Variants in PPARGC1A observed in about 807,000 individuals in gnomAD.
The protein encoded by PPARGC1A is peroxisome proliferator-activated receptor gamma coactivator 1-alpha.
PPARGC1A carries 25 observed loss-of-function variants against 88.7 expected under a neutral mutation model. The ratio of observed to expected loss-of-function variants is 0.28; its 90% CI spans 0.21 to 0.39. The LOEUF is 0.39. Ranked by LOEUF, PPARGC1A falls within the 10% of genes least tolerant of loss-of-function variation. PPARGC1A has a pLI of 1.00. For missense variants in PPARGC1A, 880 were observed against 968.7 expected (o/e 0.91, Z 1.22); for synonymous variants, 363 against 355.6 (o/e 1.02, Z -0.24).
the PPARGC1A span, among the ~76,000 whole-genome samples, chr4:24,312,335 A>G: frequency 6.6e-6 from 1 of 152,046 alleles, no homozygotes. Flanking sequence ...ATCCTGGACT[A>G]TAATCCTCAT....
chr4:24,054,875 T>C, the PPARGC1A span, among the ~76,000 whole-genome samples: 1 of 152,168 alleles, frequency 6.6e-6, no homozygotes, highest in African/African-American at 2.4e-5. Context: ...GTAGTAACTG[T>C]AGAAATAATA....
At chr4:24,399,653 T>C in the PPARGC1A span, among the ~76,000 whole-genome samples, 7 of 152,164 alleles carry the variant, frequency 4.6e-5, no homozygotes, top group Non-Finnish European at 8.8e-5. Context: ...TTTTATTAAA[T>C]ATTTATATTA....
the PPARGC1A span, among the ~76,000 whole-genome samples, chr4:24,409,223 T>G: frequency 6.6e-6 from 1 of 152,234 alleles, no homozygotes; most frequent in Admixed American, 6.5e-5. Flanking sequence ...GTGTATGTGG[T>G]AGGCATCACA....
the PPARGC1A span, among the ~76,000 whole-genome samples, chr4:24,213,546 G>C: frequency 4.0e-4 from 61 of 152,162 alleles, no homozygotes; most frequent in Non-Finnish European, 6.8e-4. Context: ...GACAACTCCT[G>C]ATGTATAGCT....
chr4:23,864,922 G>T (rs1484401136), intron 2 of PPARGC1A, among the ~76,000 whole-genome samples: 2 of 152,078 alleles, frequency 1.3e-5, no homozygotes, highest in Non-Finnish European at 1.5e-5. Context: ...GGTTGCTCAC[G>T]CCTGTAACCC....
At chr4:24,113,243 G>A in the PPARGC1A span, among the ~76,000 whole-genome samples, 6 of 152,020 alleles carry the variant, frequency 3.9e-5, no homozygotes, top group Non-Finnish European at 5.9e-5. Flanking sequence ...TGCTTCACAC[G>A]TTCAGTAGGT....
the PPARGC1A span, among the ~76,000 whole-genome samples, chr4:24,186,591 C>G: frequency 6.6e-6 from 1 of 152,096 alleles, no homozygotes; most frequent in Admixed American, 6.6e-5. Context: ...TAAAACAGTG[C>G]CTGTCAGGTG....
intron 2 of PPARGC1A, 110 bp from the exon 3 acceptor site, chr4:23,831,861 C>G: frequency 1.2e-6 from 1 of 841,978 alleles, no homozygotes; most frequent in Non-Finnish European, 1.9e-6. Flanking sequence ...ATCTAGAATG[C>G]CCATTCCAGA....
chr4:24,468,592 AT>A, the PPARGC1A span, among the ~76,000 whole-genome samples: 1 of 152,210 alleles, frequency 6.6e-6, no homozygotes, highest in East Asian at 1.9e-4. Context: ...CTCCAAAAAA[AT>A]CACCCCTCCC....
rs886129216 is a variant in PPARGC1A at position 23,853,486 on chromosome 4, T to G, written c.235-21735A>C. ...GAGGTACTCAAATGTCCTAGATGTGTACAAGAGGAATCTCAAATTTGGAGA... is the reference window on the plus strand; with the variant it reads ...GAGGTACTCAAATGTCCTAGATGTGGACAAGAGGAATCTCAAATTTGGAGA... On this transcript the variant is annotated intron_variant, in intron 2 of 12. Transcript: ENST00000264867. Among the ~76,000 whole-genome samples, 3 of 152,142 alleles carry G rather than the reference T, an allele frequency of 2.0e-5. No individual in the cohort carries two copies. The South Asian group carries it at 6.2e-4, about 32-fold the overall frequency.
the PPARGC1A span, among the ~76,000 whole-genome samples, chr4:24,209,749 C>T: frequency 3.4e-3 from 521 of 152,252 alleles, 3 homozygotes; most frequent in Non-Finnish European, 5.7e-3. Flanking sequence ...GTTCTTATTT[C>T]ATGTGTATGC....
chr4:23,923,245 G>A, the PPARGC1A span, among the ~76,000 whole-genome samples: 1 of 152,014 alleles, frequency 6.6e-6, no homozygotes, highest in Admixed American at 6.6e-5. Context: ...TGGACAGACA[G>A]GTATGGAACT....
chr4:24,007,525 A>G, the PPARGC1A span, among the ~76,000 whole-genome samples: 4 of 151,912 alleles, frequency 2.6e-5, no homozygotes, highest in Admixed American at 6.6e-5. Context: ...TTCCCTGAGA[A>G]AGTGAAGAAT....
At chr4:24,436,213 T>C in the PPARGC1A span, among the ~76,000 whole-genome samples, 2 of 152,192 alleles carry the variant, frequency 1.3e-5, no homozygotes, top group Admixed American at 6.5e-5. Context: ...AAAATCTCAA[T>C]AAGCAAGATA....
Position 23,792,599 on chromosome 4 carries a change from A to T in PPARGC1A, c.*3223T>A, listed in dbSNP as rs1181744279. 5 of 152,404 alleles carry T rather than the reference A, an allele frequency of 3.3e-5. No individual in the cohort carries two copies. Among genetic ancestry groups the T allele is most frequent in the African/African-American group, 1.2e-4 (5 of 41,374 alleles). The allele number at this position is 152,404 out of a possible 1,614,324, so 9.4% of individuals were successfully genotyped here. On this transcript the variant is annotated 3_prime_UTR_variant, in exon 13 of 13. Coordinates refer to ENST00000264867, the MANE Select transcript of PPARGC1A (RefSeq NM_013261.5). Reference sequence around the variant, plus strand: ...TGCACTGGAAGAATTATTCTGCTACATCTCTTTTAAAAAAGAAAAAAATCC... The same window carrying T: ...TGCACTGGAAGAATTATTCTGCTACTTCTCTTTTAAAAAAGAAAAAAATCC...
At chr4:24,442,436 T>C in the PPARGC1A span, among the ~76,000 whole-genome samples, 75 of 152,316 alleles carry the variant, frequency 4.9e-4, no homozygotes, top group African/African-American at 1.8e-3. Flanking sequence ...TTCGTAATCT[T>C]ACAAGCATGC....
the PPARGC1A span, among the ~76,000 whole-genome samples, chr4:24,433,378 C>T: frequency 1.3e-5 from 2 of 152,020 alleles, no homozygotes; most frequent in African/African-American, 2.4e-5. Flanking sequence ...AGGCAATTCT[C>T]GGGAGGGAGA....
intron 2 of PPARGC1A, 47 bp from the exon 3 acceptor site, chr4:23,831,798 C>T: frequency 6.7e-7 from 1 of 1,485,818 alleles, no homozygotes; most frequent in South Asian, 1.2e-5. Context: ...CCCTGGGAGG[C>T]AGGTAACACT....
At chr4:24,268,999 C>G in the PPARGC1A span, among the ~76,000 whole-genome samples, 1 of 152,008 alleles carries the variant, frequency 6.6e-6, no homozygotes, top group African/African-American at 2.4e-5. Context: ...TGTAAATGAA[C>G]AAGTGGGTGG....
Sources: allele counts gnomAD v4.1 joint callset (sites outside exome capture counted in the v4.1 genomes callset), GRCh38; gene constraint gnomAD v4.1.1; transcripts MANE v1.5; gene names NCBI Gene and HGNC (gene_info 2026-07-23, HGNC 2026-07-21).